Variants in MCU observed in about 807,000 individuals in gnomAD.
MCU encodes calcium uniporter protein, mitochondrial.
MCU carries 12 observed loss-of-function variants against 45.2 expected under a neutral mutation model. The ratio of observed to expected loss-of-function variants is 0.27; its 90% CI spans 0.17 to 0.43. The LOEUF (loss-of-function observed/expected upper bound fraction) is 0.43, where lower values mean the gene tolerates loss of function less well. Ranked by LOEUF, MCU falls within the 20% of genes least tolerant of loss-of-function variation. The pLI is 1.00. For missense variants in MCU, 324 were observed against 436.7 expected (o/e 0.74, Z 2.30); for synonymous variants, 160 against 165.1 (o/e 0.97, Z 0.24).
intron 1 of MCU, among the ~76,000 whole-genome samples, chr10:72,767,869 A>G (rs1280293682): frequency 6.6e-6 from 1 of 152,206 alleles, no homozygotes; most frequent in Non-Finnish European, 1.5e-5. Flanking sequence ...GAATGTATGA[A>G]TAGACAGGAG....
At chr10:72,834,937 C>T (rs1297270638) in intron 2 of MCU, among the ~76,000 whole-genome samples, 1 of 152,196 alleles carries the variant, frequency 6.6e-6, no homozygotes, top group Non-Finnish European at 1.5e-5. Context: ...TAGGCATGAG[C>T]CACTGTGCCC....
rs140989160 is a variant in MCU at position 72,795,159 on chromosome 10, G to A, written c.151-39200G>A. On this transcript the variant is annotated intron_variant, in intron 1 of 7. Transcript: ENST00000373053. ...TAAAATCTCCTCATTGAGCTCATTAGGTATATTTCTTATTTTCCACATTAC... is the reference window on the plus strand; with the variant it reads ...TAAAATCTCCTCATTGAGCTCATTAAGTATATTTCTTATTTTCCACATTAC... 3.2e-3 allele frequency among the ~76,000 whole-genome samples: 486 copies of A among 152,168 alleles called. 3 individuals are homozygous for A. Among genetic ancestry groups the A allele is most frequent in the African/African-American group, 0.011 (459 of 41,514 alleles).
Position 72,807,197 on chromosome 10 carries a change from A to G in MCU, c.151-27162A>G, listed in dbSNP as rs570739679. ...CCTGATGGCCACAAAGACTTTTATAAGGTGGTACATCTGTAGAGTGAAGGG... is the reference window on the plus strand; with the variant it reads ...CCTGATGGCCACAAAGACTTTTATAGGGTGGTACATCTGTAGAGTGAAGGG... On this transcript the variant is annotated intron_variant, in intron 1 of 7. Transcript: ENST00000373053. Among the ~76,000 whole-genome samples, 10 of 152,330 alleles carry G rather than the reference A, an allele frequency of 6.6e-5. No individual in the cohort carries two copies. The South Asian group carries it at 2.1e-3, about 32-fold the overall frequency.
At chr10:72,769,056 G>A (rs1843768901) in intron 1 of MCU, among the ~76,000 whole-genome samples, 1 of 151,638 alleles carries the variant, frequency 6.6e-6, no homozygotes, top group African/African-American at 2.4e-5. Flanking sequence ...GTCTTGGTAT[G>A]TTGCCCAGGC....
chr10:72,710,578 G>A lies in MCU; in HGVS notation c.150+18277G>A, dbSNP rs185672255. ...TTTTTTTTTTTTTTTTTTGGTGGAG[G>A]TGGAGTGGTCCTTTATAAGGAAATT... On this transcript the variant is annotated intron_variant, in intron 1 of 7. Coordinates refer to ENST00000373053, the MANE Select transcript of MCU (RefSeq NM_138357.3). Among the ~76,000 whole-genome samples the A allele has an allele frequency of 7.9e-4, 115 of 145,716 alleles. 1 individual carries two copies. The East Asian group carries it at 0.022, about 28-fold the overall frequency.
At chr10:72,880,609 G>T (rs1363276792) in intron 6 of MCU, among the ~76,000 whole-genome samples, 1 of 152,178 alleles carries the variant, frequency 6.6e-6, no homozygotes, top group African/African-American at 2.4e-5. Context: ...CAGATTTGGG[G>T]ATTGGGGAAG....
chr10:72,871,105 G>A (rs546855229), intron 5 of MCU, among the ~76,000 whole-genome samples: 214 of 152,196 alleles, frequency 1.4e-3, no homozygotes, highest in Non-Finnish European at 2.4e-3. Flanking sequence ...TCGCCATGTC[G>A]CCCAGGCTGG....
At chr10:72,707,512 T>C (rs1285703982) in intron 1 of MCU, among the ~76,000 whole-genome samples, 1 of 152,120 alleles carries the variant, frequency 6.6e-6, no homozygotes, top group African/African-American at 2.4e-5. Flanking sequence ...TTTTGAAATG[T>C]TATGGGAGCC....
At chr10:72,710,029 G>T (rs1842870196) in intron 1 of MCU, among the ~76,000 whole-genome samples, 1 of 152,220 alleles carries the variant, frequency 6.6e-6, no homozygotes, top group South Asian at 2.1e-4. Flanking sequence ...AGGCTGGAGT[G>T]CAGTGGTGCG....
intron 1 of MCU, among the ~76,000 whole-genome samples, chr10:72,781,144 T>G (rs1440667614): frequency 6.6e-6 from 1 of 152,248 alleles, no homozygotes; most frequent in Non-Finnish European, 1.5e-5. Flanking sequence ...AGGAAAATAT[T>G]TGATATAGAA....
At chr10:72,764,787 T>C (rs1843701573) in intron 1 of MCU, among the ~76,000 whole-genome samples, 1 of 152,182 alleles carries the variant, frequency 6.6e-6, no homozygotes. Context: ...ATATGACTTT[T>C]GGCTATATTA....
chr10:72,756,103 C>T (rs1001405603), intron 1 of MCU, among the ~76,000 whole-genome samples: 92 of 152,064 alleles, frequency 6.1e-4, no homozygotes, highest in African/African-American at 2.1e-3. Context: ...CCACCCACCT[C>T]AGCTTCCAAA....
intron 1 of MCU, among the ~76,000 whole-genome samples, chr10:72,808,883 A>G (rs986618923): frequency 2.0e-5 from 3 of 152,188 alleles, no homozygotes; most frequent in African/African-American, 7.2e-5. Flanking sequence ...ATCCACCTCC[A>G]TGATTCAGTC....
intron 4 of MCU, among the ~76,000 whole-genome samples, chr10:72,862,013 G>C (rs554999500): frequency 7.8e-6 from 1 of 127,920 alleles, no homozygotes; most frequent in East Asian, 2.4e-4. Context: ...ACTGAGTCTT[G>C]CTCTGTCACC....
intron 4 of MCU, among the ~76,000 whole-genome samples, chr10:72,861,056 A>T: frequency 6.6e-6 from 1 of 152,006 alleles, no homozygotes; most frequent in Non-Finnish European, 1.5e-5. Flanking sequence ...ACAAGATCTC[A>T]CCCTGTCACC....
chr10:72,858,265 C>T (rs1474408932), intron 2 of MCU, among the ~76,000 whole-genome samples: 1 of 152,138 alleles, frequency 6.6e-6, no homozygotes, highest in East Asian at 1.9e-4. Context: ...ATCTTCATGC[C>T]CCTTCATGGG....
intron 1 of MCU, among the ~76,000 whole-genome samples, chr10:72,823,136 G>C (rs182462402): frequency 3.2e-4 from 48 of 152,222 alleles, no homozygotes; most frequent in African/African-American, 9.9e-4. Flanking sequence ...CTGATGAGTG[G>C]ATAAACAAAA....
chr10:72,765,285 A>G (rs1843709833), intron 1 of MCU, among the ~76,000 whole-genome samples: 1 of 152,180 alleles, frequency 6.6e-6, no homozygotes, highest in East Asian at 1.9e-4. Flanking sequence ...AAAATCTATA[A>G]ATGGTTTCGT....
chr10:72,709,619 A>G (rs1363200181), intron 1 of MCU, among the ~76,000 whole-genome samples: 1 of 151,800 alleles, frequency 6.6e-6, no homozygotes, highest in Admixed American at 6.6e-5. Context: ...CCTAGGGTAT[A>G]CTTTGTGTGA....
Sources: allele counts gnomAD v4.1 joint callset (sites outside exome capture counted in the v4.1 genomes callset), GRCh38; gene constraint gnomAD v4.1.1; transcripts MANE v1.5; gene names NCBI Gene and HGNC (gene_info 2026-07-23, HGNC 2026-07-21).